Variants in SPINK8 observed in about 807,000 individuals in gnomAD.
SPINK8 encodes the protein serine peptidase inhibitor Kazal type 8 (putative).
A neutral mutation model predicts 14.4 loss-of-function variants in SPINK8; 12 were observed. The ratio of observed to expected loss-of-function variants is 0.83; its 90% CI spans 0.53 to 1.35. The LOEUF is 1.35. SPINK8 is among the 40% of genes most tolerant of loss of function. The probability of loss-of-function intolerance (pLI) is 0.00; values close to 1 mark genes in which losing one functional copy is unlikely to be tolerated. For missense variants in SPINK8, 103 were observed against 117.0 expected (o/e 0.88, Z 0.55); for synonymous variants, 32 against 37.6 (o/e 0.85, Z 0.55).
chr3:48,329,046 T>G (rs759420422), intron 3 of SPINK8, among the ~76,000 whole-genome samples, 107 bp downstream of exon 3: 17 of 152,204 alleles, frequency 1.1e-4, no homozygotes, highest in Middle Eastern at 3.2e-3. Context: ...GCAAACATTT[T>G]TCATTCTATA....
intron 7 of SPINK8, among the ~76,000 whole-genome samples, chr3:48,308,876 G>A (rs4511916): frequency 0.22 from 32,720 of 152,062 alleles, 4,310 homozygotes; most frequent in South Asian, 0.3. Context: ...ACTGAGGTAC[G>A]GTCCAGATAT....
chr3:48,309,663 G>A (rs1236553408), intron 7 of SPINK8, among the ~76,000 whole-genome samples: 15 of 152,188 alleles, frequency 9.9e-5, no homozygotes, highest in Admixed American at 9.8e-4. Flanking sequence ...TGATGTCTGA[G>A]ACCTGTTTTA....
At chr3:48,307,415 TC>T (rs2035863536) in intron 7 of SPINK8, among the ~76,000 whole-genome samples, 4 of 151,478 alleles carry the variant, frequency 2.6e-5, no homozygotes, top group African/African-American at 9.7e-5. Context: ...CTTCTTTCCT[TC>T]CTTCCTTTCC....
chr3:48,330,719 C>T (rs1026730411), intron 2 of SPINK8, among the ~76,000 whole-genome samples: 1 of 151,690 alleles, frequency 6.6e-6, no homozygotes, highest in South Asian at 2.1e-4. Context: ...TTAGTGAGCC[C>T]TCTTTACTAC....
At chr3:48,318,823 A>G (rs2036029399) in intron 6 of SPINK8, among the ~76,000 whole-genome samples, 1 of 152,200 alleles carries the variant, frequency 6.6e-6, no homozygotes, top group African/African-American at 2.4e-5. Context: ...TTAAGATAGC[A>G]CTCAACTTGT....
At chr3:48,315,718 C>CT (rs1184051420) in intron 6 of SPINK8, among the ~76,000 whole-genome samples, 3 of 71,712 alleles carry the variant, frequency 4.2e-5, no homozygotes, top group Admixed American at 1.9e-4. Context: ...AAGACTCCAT[C>CT]TCAAAAAAAA....
intron 6 of SPINK8, among the ~76,000 whole-genome samples, chr3:48,314,428 T>G (rs1442592065): frequency 3.3e-5 from 5 of 152,162 alleles, no homozygotes; most frequent in Admixed American, 3.3e-4. Context: ...TTTCATGGCA[T>G]TTTATCTTGC....
chr3:48,330,062 G>C (rs1163380223), intron 2 of SPINK8, among the ~76,000 whole-genome samples: 1 of 152,060 alleles, frequency 6.6e-6, no homozygotes, highest in Non-Finnish European at 1.5e-5. Flanking sequence ...GCCTTAACTG[G>C]GGACATGCCA....
At chr3:48,316,665 C>T (rs1438498486) in intron 6 of SPINK8, among the ~76,000 whole-genome samples, 3 of 152,010 alleles carry the variant, frequency 2.0e-5, no homozygotes, top group Non-Finnish European at 4.4e-5. Context: ...CCTAGCTACT[C>T]AGAAGGCTGA....
chr3:48,307,253 G>A (rs891258050), intron 7 of SPINK8, among the ~76,000 whole-genome samples: 6 of 152,174 alleles, frequency 3.9e-5, no homozygotes, highest in African/African-American at 1.4e-4. Context: ...GGGAACTCCT[G>A]AGGGGATAGA....
In SPINK8 at chr3:48,327,714, G is replaced by A. The variant is rs140652296; in HGVS notation, c.67+561C>T. On this transcript the variant is annotated intron_variant, in intron 4 of 7. Transcript: ENST00000434006. ...TAAGATATGAGAGTCATGAAAAATA[G>A]TTTTCAGCTTGTTACAGAACTCTCC... 1.8e-3 allele frequency among the ~76,000 whole-genome samples: 274 copies of A among 152,270 alleles called. 1 individual carries two copies. The highest frequency in any genetic ancestry group is 3.1e-3 in the African/African-American group (129 of 41,554).
chr3:48,323,872 T>A (rs1036728587), intron 4 of SPINK8, among the ~76,000 whole-genome samples: 1 of 152,172 alleles, frequency 6.6e-6, no homozygotes, highest in African/African-American at 2.4e-5. Flanking sequence ...AGTACCAAAC[T>A]GTCTTGATGT....
intron 7 of SPINK8, among the ~76,000 whole-genome samples, chr3:48,307,975 T>C (rs1404509132): frequency 7.5e-6 from 1 of 133,214 alleles, no homozygotes; most frequent in Non-Finnish European, 1.6e-5. Context: ...TTTTTTTTTT[T>C]TTTTTTTTTT....
At chr3:48,321,666 T>G (rs1032817525) in intron 4 of SPINK8, among the ~76,000 whole-genome samples, 5 of 151,802 alleles carry the variant, frequency 3.3e-5, no homozygotes, top group Non-Finnish European at 5.9e-5. Context: ...ATACAAAAAT[T>G]AGCCAGGCAT....
At chr3:48,310,038 G>A in intron 6 of SPINK8, 92 bp from the exon 7 acceptor site, 9 of 1,237,900 alleles carry the variant, frequency 7.3e-6, no homozygotes, top group South Asian at 5.2e-5. Context: ...GCTAAGTTTG[G>A]GAAATAAACA....
At chr3:48,319,137 C>CT (rs1414995265) in intron 6 of SPINK8, among the ~76,000 whole-genome samples, 1 of 152,220 alleles carries the variant, frequency 6.6e-6, no homozygotes, top group Non-Finnish European at 1.5e-5. Flanking sequence ...TCTTCCTCTT[C>CT]TTTTTGTTCT....
At position 48,328,347 on chromosome 3, in the gene SPINK8, C is replaced by T. The variant is rs2107114498; in HGVS notation, c.-6G>A. ...TCTGAGCAGATCCCCTTCATGGTGA[C>T]AGAAGAACTGTGGAAATATGCAACT... On this transcript the variant is annotated 5_prime_UTR_variant, in exon 4 of 8. Transcript: ENST00000434006. The T allele has an allele frequency of 1.2e-6, 2 of 1,609,214 alleles. No individual in the cohort carries two copies. The highest frequency in any genetic ancestry group is 1.7e-6 in the Non-Finnish European group (2 of 1,177,584).
intron 6 of SPINK8, among the ~76,000 whole-genome samples, chr3:48,315,742 A>AAAAAAAAAAAAAAAAAAC: frequency 6.6e-6 from 1 of 150,514 alleles, no homozygotes; most frequent in Non-Finnish European, 1.5e-5. Context: ...AAAAAAAAAA[A>AAAAAAAAAAAAAAAAAAC]AAGAACTGAA....
intron 4 of SPINK8, among the ~76,000 whole-genome samples, chr3:48,324,005 C>T (rs1358921196): frequency 6.6e-6 from 1 of 150,680 alleles, no homozygotes; most frequent in Non-Finnish European, 1.5e-5. Context: ...TTAGAATCAG[C>T]TTTTCCATTT....
Sources: allele counts gnomAD v4.1 joint callset (sites outside exome capture counted in the v4.1 genomes callset), GRCh38; gene constraint gnomAD v4.1.1; transcripts MANE v1.5; gene names NCBI Gene and HGNC (gene_info 2026-07-23, HGNC 2026-07-21).